The following NPRL3 variants were observed in gnomAD, a reference collection of about 807,000 sequenced individuals.
NPRL3 encodes GATOR1 complex protein NPRL3.
Under a neutral mutation model 57.2 loss-of-function variants are expected in NPRL3, and 23 were observed. That is an observed-to-expected ratio of 0.40 (90% CI 0.29 to 0.57). The LOEUF (loss-of-function observed/expected upper bound fraction) is 0.57. Ranked by LOEUF, NPRL3 falls within the 20% of genes least tolerant of loss-of-function variation. The pLI, the probability that NPRL3 is intolerant of heterozygous loss-of-function variation, is 0.42. For missense variants in NPRL3, 691 were observed against 767.1 expected, an observed-to-expected ratio of 0.90 and a Z score of 1.17; for synonymous variants, 333 against 321.1, an observed-to-expected ratio of 1.04 and a Z score of -0.39.
At chr16:101,950 T>G (rs970769332) in intron 7 of NPRL3, among the ~76,000 whole-genome samples, 2 of 152,066 alleles carry the variant, frequency 1.3e-5, no homozygotes, top group African/African-American at 4.8e-5. Context: ...CAGAACTCAC[T>G]CCTGAGGAGG....
intron 2 of NPRL3, 85 bp downstream of exon 2, chr16:138,065 G>A: frequency 1.0e-6 from 1 of 972,460 alleles, no homozygotes; most frequent in Non-Finnish European, 1.6e-6. Flanking sequence ...CAAAAGCTAA[G>A]CTCCGCGAGG....
At chr16:106,654 AAAAAG>A (rs1455740890) in intron 7 of NPRL3, among the ~76,000 whole-genome samples, 36 of 150,574 alleles carry the variant, frequency 2.4e-4, no homozygotes, top group Non-Finnish European at 2.2e-4. Flanking sequence ...AAAAAAAAAA[AAAAAG>A]AACCAGGAAC....
chr16:90,023 A>G, intron 11 of NPRL3, 121 bp from the exon 12 acceptor site: 1 of 942,958 alleles, frequency 1.1e-6, no homozygotes, highest in Non-Finnish European at 1.5e-6. Context: ...CACAGGCAGA[A>G]AGGCCCTCTT....
At chr16:129,371 C>T (rs1880189394) in intron 3 of NPRL3, among the ~76,000 whole-genome samples, 1 of 152,178 alleles carries the variant, frequency 6.6e-6, no homozygotes. Flanking sequence ...AAGGGCAAGA[C>T]AACCACAGGC....
chr16:115,213 G>C (rs1899978204), intron 5 of NPRL3, among the ~76,000 whole-genome samples: 1 of 151,992 alleles, frequency 6.6e-6, no homozygotes, highest in Non-Finnish European at 1.5e-5. Context: ...GGGCTCAAGT[G>C]ATCCACCCAC....
At chr16:98,532 G>A (rs2562174) in intron 8 of NPRL3, among the ~76,000 whole-genome samples, 4 of 151,718 alleles carry the variant, frequency 2.6e-5, no homozygotes, top group African/African-American at 7.3e-5. Flanking sequence ...CACCGGGTGT[G>A]CATCAGGTAT....
chr16:110,957 T>C (rs962268357), intron 6 of NPRL3, among the ~76,000 whole-genome samples: 4 of 152,272 alleles, frequency 2.6e-5, no homozygotes, highest in Admixed American at 2.0e-4. Flanking sequence ...TAAAAATATA[T>C]ACATAGACTT....
At chr16:113,069 C>G (rs1408636274) in intron 5 of NPRL3, among the ~76,000 whole-genome samples, 1 of 133,034 alleles carries the variant, frequency 7.5e-6, no homozygotes, top group Non-Finnish European at 1.8e-5. Flanking sequence ...TAAGGAGGCA[C>G]TGTTGTTCTT....
rs548174588 is a variant in NPRL3, at chr16:136,502, A to G, written c.118+1648T>C. Reference sequence around the variant, plus strand: ...CAGGAGTTGGAGACCAGCCTGGCCAACATGGTGAAACCCCATCTCTACTAA... The same window carrying G: ...CAGGAGTTGGAGACCAGCCTGGCCAGCATGGTGAAACCCCATCTCTACTAA... On this transcript the variant is annotated intron_variant, in intron 2 of 13. Transcript: ENST00000611875. Among the ~76,000 whole-genome samples, 3 of 151,848 alleles carry G rather than the reference A, an allele frequency of 2.0e-5. No individual in the cohort carries two copies. In the East Asian group the frequency reaches 5.9e-4, roughly 30 times the overall value.
At chr16:114,726 T>C (rs1364320632) in intron 5 of NPRL3, among the ~76,000 whole-genome samples, 2 of 152,178 alleles carry the variant, frequency 1.3e-5, no homozygotes, top group African/African-American at 2.4e-5. Context: ...TGCCAACTTA[T>C]TACAGCAAAT....
At chr16:121,723 A>G (rs1291002215) in intron 3 of NPRL3, among the ~76,000 whole-genome samples, 1 of 152,136 alleles carries the variant, frequency 6.6e-6, no homozygotes, top group Non-Finnish European at 1.5e-5. Flanking sequence ...AATCTGGCCC[A>G]CAGAGAAATC....
chr16:86,866 G>C lies in NPRL3; in HGVS notation c.1549C>G (p.Leu517Val). The change falls in exon 14 of 14, where the codon CTT (leucine) becomes GTT (valine). Residue 517 changes from leucine to valine, a missense_variant. Leu to Val is a conservative substitution (Grantham distance 32). Transcript: ENST00000611875. ...PEDLRMFARL[L>V]HYFRGRHHLE... ...TGGTGGCGGCCGCGGAAGTAGTGAAGGAGCCTGGAAGGGATGGGTGGGTGT... is the reference window on the plus strand; with the variant it reads ...TGGTGGCGGCCGCGGAAGTAGTGAACGAGCCTGGAAGGGATGGGTGGGTGT... 1 of 1,612,832 alleles carries C rather than the reference G, an allele frequency of 6.2e-7. No homozygotes were observed. Among genetic ancestry groups the C allele is most frequent in the South Asian group, 1.1e-5 (1 of 90,940 alleles).
In NPRL3 at chr16:117,293, AC is replaced by A; in HGVS notation, c.393+7del. The A allele has an allele frequency of 1.3e-6, 2 of 1,593,638 alleles. No homozygotes were observed. The highest frequency in any genetic ancestry group is 1.7e-6 in the Non-Finnish European group (2 of 1,162,852). On this transcript the variant is annotated splice_region_variant and intron_variant, in intron 5 of 13. Transcript: ENST00000611875. ...TCCCTGATCTTAACCATTTATATAA[AC>A]ACTCACCCTCAGTGCAAACACCACA...
intron 4 of NPRL3, 58 bp from the exon 5 acceptor site, chr16:117,433 G>C (rs1900091984): frequency 7.9e-7 from 1 of 1,260,376 alleles, no homozygotes; most frequent in Non-Finnish European, 1.1e-6. Context: ...AAGCTGTTTA[G>C]AGCTATTCTA....
intron 9 of NPRL3, among the ~76,000 whole-genome samples, chr16:94,109 A>G (rs924764905): frequency 6.6e-6 from 1 of 151,852 alleles, no homozygotes; most frequent in Admixed American, 6.6e-5. Flanking sequence ...GGAGTCACTC[A>G]GCATGCCACC....
Position 86,469 on chromosome 16 carries a change from C to T in NPRL3, c.*236G>A, listed in dbSNP as rs1057248625. The T allele has an allele frequency of 1.4e-5, 7 of 511,742 alleles. No homozygotes were observed. The highest frequency in any genetic ancestry group is 7.6e-5 in the African/African-American group (4 of 52,590). 31.7% of individuals were successfully genotyped at this position (511,742 alleles called of 1,614,324 possible). On this transcript the variant is annotated 3_prime_UTR_variant, in exon 14 of 14. Transcript: ENST00000611875. ...TCCAGCGTGGAGATGCCTACGCGTG[C>T]GGCAAGGACTGGAGGGAAGCGTAGG...
Position 86,393 on chromosome 16 carries a change from G to T in NPRL3, c.*312C>A, listed in dbSNP as rs1596491504. On this transcript the variant is annotated 3_prime_UTR_variant, in exon 14 of 14. Transcript: ENST00000611875. ...TCTGAGAAACGCACAGCCCACATGG[G>T]CCTTGAAGGATGCGGCCTCACCCAG... is the stretch of plus-strand genomic sequence containing the variant. The T allele has an allele frequency of 2.7e-6, 1 of 374,362 alleles. No individual in the cohort carries two copies. Among genetic ancestry groups the T allele is most frequent in the East Asian group, 4.6e-5 (1 of 21,934 alleles). 23.2% of individuals were successfully genotyped at this position (374,362 alleles called of 1,614,324 possible). A position where few individuals can be genotyped will look rare whatever the true frequency, so the allele number is the denominator to read the frequency against.
intron 12 of NPRL3, chr16:89,219 G>A: frequency 2.8e-6 from 1 of 352,668 alleles, no homozygotes; most frequent in Non-Finnish European, 5.2e-6. Context: ...TGGGCAGGTG[G>A]GGTCCTCACA....
intron 8 of NPRL3, among the ~76,000 whole-genome samples, chr16:99,473 T>C (rs1031676444): frequency 1.3e-5 from 2 of 151,728 alleles, no homozygotes; most frequent in African/African-American, 2.4e-5. Context: ...TGAAACCCCA[T>C]CTCTACTAAA....
Sources: allele counts gnomAD v4.1 joint callset (sites outside exome capture counted in the v4.1 genomes callset), GRCh38; gene constraint gnomAD v4.1.1; transcripts MANE v1.5; gene names NCBI Gene and HGNC (gene_info 2026-07-23, HGNC 2026-07-21).